Variants in TANC2 observed in about 807,000 individuals in gnomAD.
TANC2 encodes protein TANC2.
Under a neutral mutation model 210.5 loss-of-function variants are expected in TANC2, and 26 were observed. The ratio of observed to expected loss-of-function variants is 0.12; its 90% CI spans 0.09 to 0.17. The LOEUF (loss-of-function observed/expected upper bound fraction) is 0.17. TANC2 is among the 10% of genes least tolerant of loss of function. TANC2 has a pLI of 1.00. For missense variants in TANC2, 2,129 were observed against 2,608.9 expected (o/e 0.82, Z 4.01); for synonymous variants, 931 against 967.1 (o/e 0.96, Z 0.69).
At chr17:63,125,034 A>G (rs987732903) in intron 4 of TANC2, 1 of 152,212 alleles carries the variant, frequency 6.6e-6, no homozygotes, top group Admixed American at 6.5e-5. Flanking sequence ...CTCTTTCTCC[A>G]TTCAACATCC....
intron 3 of TANC2, among the ~76,000 whole-genome samples, 168 bp downstream of exon 3, chr17:63,074,182 A>G (rs897704630): frequency 2.6e-5 from 4 of 152,164 alleles, no homozygotes; most frequent in Non-Finnish European, 4.4e-5. Flanking sequence ...TATTTATTCA[A>G]GATATATGAA....
At chr17:63,302,180 G>A (rs1389927107) in intron 9 of TANC2, among the ~76,000 whole-genome samples, 3 of 152,204 alleles carry the variant, frequency 2.0e-5, no homozygotes, top group African/African-American at 7.2e-5. Flanking sequence ...ATTTGCTGAG[G>A]AGTGTTTTAC....
At chr17:63,004,492 T>C (rs1359860212) in intron 1 of TANC2, among the ~76,000 whole-genome samples, 1 of 152,024 alleles carries the variant, frequency 6.6e-6, no homozygotes, top group Non-Finnish European at 1.5e-5. Flanking sequence ...AAAAGGTGTT[T>C]TCCTTACATC....
At chr17:62,987,345 G>T (rs2032620703) in intron 1 of TANC2, among the ~76,000 whole-genome samples, 1 of 152,162 alleles carries the variant, frequency 6.6e-6, no homozygotes, top group Admixed American at 6.5e-5. Context: ...CCCAGATGAG[G>T]GCGCACTTCA....
In TANC2 at chr17:63,065,548, C is replaced by T. The variant is rs76592459; in HGVS notation, c.68-8395C>T. On this transcript the variant is annotated intron_variant, in intron 2 of 27. Transcript: ENST00000689528. ...ACTACCAACAGTGTACAAGAGTTCC[C>T]TTTTCTCCACATCCCTAGCAACATT... 2.9e-3 allele frequency among the ~76,000 whole-genome samples: 442 copies of T among 152,228 alleles called. 3 individuals carry two copies. The highest frequency in any genetic ancestry group is 0.01 in the African/African-American group (419 of 41,522).
intron 20 of TANC2, among the ~76,000 whole-genome samples, 166 bp from the exon 21 acceptor site, chr17:63,405,988 A>G (rs996604592): frequency 1.3e-5 from 2 of 152,240 alleles, no homozygotes; most frequent in African/African-American, 4.8e-5. Context: ...GAGAGAGATT[A>G]AATCACATGG....
In TANC2 at chr17:63,249,568, A is replaced by G. The variant is rs1276190107; in HGVS notation, c.1033+11491A>G. Among the ~76,000 whole-genome samples, 3 of 152,220 alleles carry G rather than the reference A, an allele frequency of 2.0e-5. No individual in the cohort carries two copies. In the East Asian group the frequency reaches 5.8e-4, roughly 29 times the overall value. ...ACAAACAACAGAAGTCAGCTAAAAT[A>G]TAAACTCTGGCCATCTACATGTTAA... On this transcript the variant is annotated intron_variant, in intron 8 of 27. Coordinates refer to ENST00000689528, the Ensembl canonical transcript of TANC2.
chr17:63,250,471 G>A (rs952949491), intron 8 of TANC2, among the ~76,000 whole-genome samples: 1 of 152,044 alleles, frequency 6.6e-6, no homozygotes, highest in South Asian at 2.1e-4. Context: ...TAAGACTAGC[G>A]CTATAAGGTA....
At chr17:63,389,542 A>G (rs1242507216) in exon 17 of TANC2, 1 of 1,603,900 alleles carries the variant, frequency 6.2e-7, no homozygotes, top group Admixed American at 1.7e-5. Flanking sequence ...GAAACGGGCC[A>G]AGGTACTGGC....
intron 4 of TANC2, among the ~76,000 whole-genome samples, chr17:63,102,302 A>G (rs2037654131): frequency 6.6e-6 from 1 of 152,004 alleles, no homozygotes; most frequent in African/African-American, 2.4e-5. Context: ...AGAACAAGCA[A>G]GACCCTGCCA....
intron 1 of TANC2, among the ~76,000 whole-genome samples, chr17:62,992,006 G>A (rs2032895070): frequency 6.6e-6 from 1 of 152,132 alleles, no homozygotes; most frequent in African/African-American, 2.4e-5. Context: ...TTAAAAATAA[G>A]TAGATAAATA....
intron 11 of TANC2, among the ~76,000 whole-genome samples, chr17:63,334,919 C>A (rs1282506612): frequency 2.0e-5 from 3 of 152,148 alleles, no homozygotes; most frequent in African/African-American, 7.2e-5. Flanking sequence ...AGGTGAGATG[C>A]TAGCAGGCAC....
chr17:63,100,271 G>A (rs1653548308), intron 4 of TANC2, among the ~76,000 whole-genome samples: 2 of 152,186 alleles, frequency 1.3e-5, no homozygotes, highest in South Asian at 2.1e-4. Context: ...TCTATGTAGA[G>A]TGAAACTTTT....
intron 14 of TANC2, among the ~76,000 whole-genome samples, chr17:63,366,633 G>C (rs545644319): frequency 3.3e-5 from 5 of 152,292 alleles, no homozygotes; most frequent in Admixed American, 2.6e-4. Context: ...GAGGCAAAGT[G>C]GGAGAAAGCA....
At chr17:63,045,360 G>A (rs981902254) in intron 2 of TANC2, among the ~76,000 whole-genome samples, 1 of 152,112 alleles carries the variant, frequency 6.6e-6, no homozygotes, top group African/African-American at 2.4e-5. Context: ...GTCTTAAAAC[G>A]TTCCCTTTGG....
chr17:62,979,963 C>T (rs554508987), intron 1 of TANC2, among the ~76,000 whole-genome samples: 1 of 152,232 alleles, frequency 6.6e-6, no homozygotes, highest in South Asian at 2.1e-4. Flanking sequence ...TCTGAGATTT[C>T]CTGGCCTTAT....
At chr17:63,199,172 C>T (rs17683752) in intron 6 of TANC2, among the ~76,000 whole-genome samples, 7,968 of 152,230 alleles carry the variant, frequency 0.052, 271 homozygotes, top group Non-Finnish European at 0.072. Context: ...TCAACACATT[C>T]TCCAGTTATT....
intron 6 of TANC2, among the ~76,000 whole-genome samples, chr17:63,195,700 GC>G (rs1375486967): frequency 6.6e-6 from 1 of 152,160 alleles, no homozygotes; most frequent in East Asian, 1.9e-4. Flanking sequence ...GTCCACTCTT[GC>G]CCCCCTGTAG....
intron 11 of TANC2, among the ~76,000 whole-genome samples, chr17:63,329,235 C>G (rs916007641): frequency 9.2e-5 from 14 of 151,420 alleles, no homozygotes; most frequent in Non-Finnish European, 1.5e-5. Flanking sequence ...ATAGCATATA[C>G]TACAGATAAA....
Sources: allele counts gnomAD v4.1 joint callset (sites outside exome capture counted in the v4.1 genomes callset), GRCh38; gene constraint gnomAD v4.1.1; transcripts MANE v1.5; gene names NCBI Gene and HGNC (gene_info 2026-07-23, HGNC 2026-07-21).